The following PIK3C2G variants were observed in gnomAD, a reference collection of about 807,000 sequenced individuals.
PIK3C2G encodes the protein phosphatidylinositol 3-kinase C2 domain-containing subunit gamma.
In PIK3C2G, 168 loss-of-function variants were observed where a neutral mutation model predicts 181.1. The ratio of observed to expected loss-of-function variants is 0.93; its 90% confidence interval spans 0.82 to 1.05. PIK3C2G has a LOEUF of 1.05. Among genes scored for constraint, PIK3C2G ranks in the 50% least tolerant of loss-of-function variants. PIK3C2G has a pLI of 0.00. For missense variants in PIK3C2G, 1,869 were observed against 1,732.8 expected, an observed-to-expected ratio of 1.08 and a Z score of -1.40; for synonymous variants, 573 against 592.2, an observed-to-expected ratio of 0.97 and a Z score of 0.47.
At chr12:18,263,894 T>C (rs1330219570) in intron 1 of PIK3C2G, among the ~76,000 whole-genome samples, 1 of 152,194 alleles carries the variant, frequency 6.6e-6, no homozygotes, top group Non-Finnish European at 1.5e-5. Flanking sequence ...TATGTGTTTC[T>C]GATATATACC....
At chr12:18,567,751 A>G (rs1273599510) in intron 29 of PIK3C2G, among the ~76,000 whole-genome samples, 1 of 152,116 alleles carries the variant, frequency 6.6e-6, no homozygotes, top group Non-Finnish European at 1.5e-5. Flanking sequence ...CCAAAAAGAA[A>G]TAGTATTCTT....
the PIK3C2G span, among the ~76,000 whole-genome samples, chr12:18,687,200 G>T: frequency 2.0e-5 from 3 of 152,100 alleles, no homozygotes; most frequent in African/African-American, 7.2e-5. Flanking sequence ...TTTCGCTCTA[G>T]AAGCCACACT....
intron 18 of PIK3C2G, among the ~76,000 whole-genome samples, chr12:18,465,998 A>T (rs948360620): frequency 6.6e-6 from 1 of 151,334 alleles, no homozygotes; most frequent in Admixed American, 6.6e-5. Context: ...ATAATTTTTT[A>T]AAAATTTTAT....
intron 18 of PIK3C2G, among the ~76,000 whole-genome samples, chr12:18,470,115 C>T (rs371191539): frequency 4.6e-5 from 7 of 151,924 alleles, no homozygotes; most frequent in Non-Finnish European, 1.0e-4. Context: ...TGATAGACTG[C>T]CAATTTAAGG....
chr12:18,369,246 G>T (rs1426700312), intron 12 of PIK3C2G, among the ~76,000 whole-genome samples: 2 of 151,866 alleles, frequency 1.3e-5, no homozygotes, highest in African/African-American at 4.8e-5. Context: ...CATGACTCTG[G>T]CCCTGTCTGC....
intron 31 of PIK3C2G, among the ~76,000 whole-genome samples, chr12:18,635,601 C>T (rs1353804099): frequency 6.6e-6 from 1 of 152,154 alleles, no homozygotes; most frequent in Non-Finnish European, 1.5e-5. Flanking sequence ...CTCCAAAATC[C>T]TAAGGGCCTG....
chr12:18,434,796 C>G (rs1946357371), intron 18 of PIK3C2G, among the ~76,000 whole-genome samples: 1 of 152,162 alleles, frequency 6.6e-6, no homozygotes, highest in African/African-American at 2.4e-5. Flanking sequence ...CCAATATCCA[C>G]CTTTCCACAT....
At position 18,451,464 on chromosome 12, in the gene PIK3C2G, A is replaced by C. The variant is rs76792202; in HGVS notation, c.2504+27425A>C. Among the ~76,000 whole-genome samples, 1,437 of 152,338 alleles carry C rather than the reference A, an allele frequency of 9.4e-3. 24 individuals are homozygous for C. The highest frequency in any genetic ancestry group is 0.033 in the African/African-American group (1,392 of 41,580). Reference sequence around the variant, plus strand: ...TTTGCTGAAGTTGCTTATCAGCTTAAGAAGTTTTTGGGCTCACACAATGGG... The same window carrying C: ...TTTGCTGAAGTTGCTTATCAGCTTACGAAGTTTTTGGGCTCACACAATGGG... On this transcript the variant is annotated intron_variant, in intron 18 of 32. Transcript: ENST00000538779.
intron 29 of PIK3C2G, among the ~76,000 whole-genome samples, chr12:18,591,366 T>G (rs1444870510): frequency 6.6e-6 from 1 of 151,912 alleles, no homozygotes; most frequent in Admixed American, 6.6e-5. Flanking sequence ...TAACTAGTAT[T>G]TATTGAAAGA....
chr12:18,288,181 T>A (rs1949538049), intron 3 of PIK3C2G, among the ~76,000 whole-genome samples: 1 of 152,120 alleles, frequency 6.6e-6, no homozygotes, highest in Non-Finnish European at 1.5e-5. Context: ...GAGAAGAAGA[T>A]AAACTAATGC....
intron 1 of PIK3C2G, among the ~76,000 whole-genome samples, chr12:18,251,962 G>A (rs1437638963): frequency 6.6e-6 from 1 of 152,028 alleles, no homozygotes; most frequent in African/African-American, 2.4e-5. Flanking sequence ...TTTTAAATGT[G>A]TAAATGACAC....
At chr12:18,324,934 T>C in intron 7 of PIK3C2G, 101 bp from the exon 8 acceptor site, 1 of 630,442 alleles carries the variant, frequency 1.6e-6, no homozygotes. Context: ...ATGCCTACGA[T>C]AGTATCATGG....
intron 15 of PIK3C2G, among the ~76,000 whole-genome samples, chr12:18,393,858 T>C (rs1449621314): frequency 6.6e-6 from 1 of 152,130 alleles, no homozygotes; most frequent in Non-Finnish European, 1.5e-5. Flanking sequence ...CAGCTCCTGC[T>C]GAGATATTTT....
Position 18,409,542 on chromosome 12 carries a change from A to T in PIK3C2G, c.2315+9695A>T, listed in dbSNP as rs961136716. 5.3e-5 allele frequency among the ~76,000 whole-genome samples: 8 copies of T among 152,282 alleles called. 1 individual carries two copies. The South Asian group carries it at 1.7e-3, about 32-fold the overall frequency. On this transcript the variant is annotated intron_variant, in intron 16 of 32. Coordinates refer to ENST00000538779, the MANE Select transcript of PIK3C2G (RefSeq NM_001288772.2). ...GAACATGTACCCCAGAACTTAAAGTATAATTTAAAAAATAAAAAATAAAAA... is the reference window on the plus strand; with the variant it reads ...GAACATGTACCCCAGAACTTAAAGTTTAATTTAAAAAATAAAAAATAAAAA...
chr12:18,491,601 T>G lies in PIK3C2G; in HGVS notation c.2793+43T>G, dbSNP rs1940577083. The G allele has an allele frequency of 3.5e-6, 4 of 1,149,080 alleles. No individual in the cohort carries two copies. The East Asian group carries it at 9.5e-5, about 27-fold the overall frequency. The allele number at this position is 1,149,080 out of a possible 1,614,324, so 71.2% of individuals were successfully genotyped here. A position where few individuals can be genotyped will look rare whatever the true frequency, so the allele number is the denominator to read the frequency against. On this transcript the variant is annotated intron_variant, in intron 20 of 32. Transcript: ENST00000538779. ...TCAGATTAATGGAATATTTCTGTTT[T>G]GTATAGTTTAGTTCATTGTATATGT...
At chr12:18,682,529 C>A in the PIK3C2G span, among the ~76,000 whole-genome samples, 1 of 152,026 alleles carries the variant, frequency 6.6e-6, no homozygotes, top group Non-Finnish European at 1.5e-5. Flanking sequence ...TGAGATAGCA[C>A]AGGAACTTCA....
At chr12:18,603,191 G>A (rs535146146) in intron 30 of PIK3C2G, among the ~76,000 whole-genome samples, 1 of 152,172 alleles carries the variant, frequency 6.6e-6, no homozygotes, top group East Asian at 1.9e-4. Context: ...CAAATATTCA[G>A]GAAACTTCAG....
At chr12:18,244,011 A>G (rs1948013687), upstream of PIK3C2G, among the ~76,000 whole-genome samples, 1 of 152,056 alleles carries the variant, frequency 6.6e-6, no homozygotes, top group South Asian at 2.1e-4. Flanking sequence ...AGAAGGGAGA[A>G]TTAAGCACAA....
intron 11 of PIK3C2G, among the ~76,000 whole-genome samples, chr12:18,359,181 T>C (rs1442044068): frequency 6.6e-6 from 1 of 152,234 alleles, no homozygotes; most frequent in Non-Finnish European, 1.5e-5. Context: ...TTTTGATTTC[T>C]TCTTTGAACT....
Sources: allele counts gnomAD v4.1 joint callset (sites outside exome capture counted in the v4.1 genomes callset), GRCh38; gene constraint gnomAD v4.1.1; transcripts MANE v1.5; gene names NCBI Gene and HGNC (gene_info 2026-07-23, HGNC 2026-07-21).